The following TNS3 variants were observed in gnomAD, a reference collection of about 807,000 sequenced individuals.
TNS3 encodes tensin-3.
A neutral mutation model predicts 140.9 loss-of-function variants in TNS3; 45 were observed. That is an observed-to-expected ratio of 0.32 (90% CI 0.25 to 0.41). The LOEUF is 0.41. Ranked by LOEUF, TNS3 falls within the 10% of genes least tolerant of loss-of-function variation. The pLI is 1.00. For synonymous variants in TNS3, 815 were observed against 788.4 expected (o/e 1.03, Z -0.56); for missense variants, 1,716 against 1,906.7 (o/e 0.90, Z 1.86).
chr7:47,378,334 G>A (rs769177780), intron 16 of TNS3, among the ~76,000 whole-genome samples: 1 of 152,170 alleles, frequency 6.6e-6, no homozygotes, highest in Non-Finnish European at 1.5e-5. Flanking sequence ...CCCGTCTCGA[G>A]AATTACACTG....
intron 4 of TNS3, among the ~76,000 whole-genome samples, chr7:47,476,240 C>T (rs1398276627): frequency 6.6e-6 from 1 of 152,230 alleles, no homozygotes; most frequent in Non-Finnish European, 1.5e-5. Flanking sequence ...GAAAGAACTC[C>T]ATTCAGGGCC....
Position 47,384,721 on chromosome 7 carries a change from A to G in TNS3, c.1024+12079T>C, listed in dbSNP as rs376787079. Among the ~76,000 whole-genome samples, 75 of 152,160 alleles carry G rather than the reference A, an allele frequency of 4.9e-4. 1 individual carries two copies. In the East Asian group the frequency reaches 0.014, roughly 28 times the overall value. On this transcript the variant is annotated intron_variant, in intron 16 of 30. Transcript: ENST00000311160. ...TCTGCATGTATCCAGCCCTTCCCTC[A>G]GCACAGTGGAGTCACAGCCAATGTA...
In TNS3 at chr7:47,276,782, G is replaced by A. The variant is rs1784886430; in HGVS notation, c.*1294C>T. 1 of 152,266 alleles carries A rather than the reference G, an allele frequency of 6.6e-6. No individual in the cohort carries two copies. Among genetic ancestry groups the A allele is most frequent in the Non-Finnish European group, 1.5e-5 (1 of 68,086 alleles). 9.4% of individuals were successfully genotyped at this position (152,266 alleles called of 1,614,324 possible). A position where few individuals can be genotyped will look rare whatever the true frequency, so the allele number is the denominator to read the frequency against. On this transcript the variant is annotated 3_prime_UTR_variant, in exon 31 of 31. Transcript: ENST00000311160. The stretch of plus-strand genomic sequence containing the variant: ...AAACAGTGGCACTCAAAAACAGCTT[G>A]TCAGTACCGGGGTTTCTTCTCTTTT...
rs754146306 is a variant in TNS3, at chr7:47,303,229, C to G, written c.3178G>C (p.Ala1060Pro). The G allele has an allele frequency of 1.2e-6, 2 of 1,613,656 alleles. No individual in the cohort carries two copies. The highest frequency in any genetic ancestry group is 1.1e-5 in the South Asian group (1 of 91,092). The change falls in exon 22 of 31, where the codon GCT becomes CCT. Residue 1060 changes from alanine (A) to proline (P), a missense_variant. Transcript: ENST00000311160. Reference protein sequence around the residue: ...TPSIPLTATGAADNGFLSHNF... With the variant: ...TPSIPLTATGPADNGFLSHNF... ...TGGGACAGGAAGCCATTGTCGGCAG[C>G]CCCTGTCGCTGTCAGCGGGATGCTG...
chr7:47,377,095 T>G (rs796565585), intron 16 of TNS3, among the ~76,000 whole-genome samples: 4 of 152,248 alleles, frequency 2.6e-5, no homozygotes, highest in African/African-American at 9.6e-5. Context: ...CCAGGAACCA[T>G]CCTGTCCCTA....
At chr7:47,580,217 C>T (rs6463424) in intron 1 of TNS3, among the ~76,000 whole-genome samples, 79,436 of 151,938 alleles carry the variant, frequency 0.52, 21,460 homozygotes, top group East Asian at 0.65. Context: ...CCCTAGAGTC[C>T]TGTCCCAGAA....
At chr7:47,570,702 A>T (rs1800531896) in intron 1 of TNS3, among the ~76,000 whole-genome samples, 1 of 152,164 alleles carries the variant, frequency 6.6e-6, no homozygotes, top group Non-Finnish European at 1.5e-5. Context: ...TGAGCACCGG[A>T]TTGGGAGGCC....
At chr7:47,454,606 C>T (rs1270319228) in intron 4 of TNS3, among the ~76,000 whole-genome samples, 1 of 145,334 alleles carries the variant, frequency 6.9e-6, no homozygotes, top group East Asian at 2.0e-4. Flanking sequence ...GGAGGGGCTG[C>T]TCTGGGGGGG....
At chr7:47,443,662 C>T (rs184910972) in intron 4 of TNS3, among the ~76,000 whole-genome samples, 24 of 152,304 alleles carry the variant, frequency 1.6e-4, no homozygotes, top group Non-Finnish European at 2.6e-4. Flanking sequence ...TGGCTCACAC[C>T]TGTAATCCCA....
At chr7:47,502,395 G>C (rs947533216) in intron 3 of TNS3, among the ~76,000 whole-genome samples, 4 of 152,212 alleles carry the variant, frequency 2.6e-5, no homozygotes, top group Non-Finnish European at 5.9e-5. Context: ...TTGACGCCCA[G>C]GATGAATGTC....
chr7:47,508,157 G>C (rs1798486250), intron 2 of TNS3, among the ~76,000 whole-genome samples: 1 of 152,142 alleles, frequency 6.6e-6, no homozygotes, highest in Non-Finnish European at 1.5e-5. Flanking sequence ...TCTATGATGT[G>C]TCAAAGTCAA....
Position 47,530,838 on chromosome 7 carries a change from A to AATATAT in TNS3, c.-264-1697_-264-1692dup, listed in dbSNP as rs1554350245. ...AACTCCATCTCAAAAAAAAAAAAAAAATATATATATATATATATATTTCTA... is the reference window on the plus strand; with the variant it reads ...AACTCCATCTCAAAAAAAAAAAAAAAATATATATATATATATATATATATATTTCTA... On this transcript the variant is annotated intron_variant, in intron 1 of 30. Transcript: ENST00000311160. 3.1e-3 allele frequency among the ~76,000 whole-genome samples: 170 copies of AATATAT among 54,538 alleles called. 10 individuals carry two copies. Among genetic ancestry groups the AATATAT allele is most frequent in the African/African-American group, 0.013 (160 of 12,650 alleles). 35.8% of individuals were successfully genotyped at this position (54,538 alleles called of 152,430 possible).
intron 1 of TNS3, among the ~76,000 whole-genome samples, chr7:47,561,896 C>T (rs889404484): frequency 1.3e-5 from 2 of 152,186 alleles, no homozygotes; most frequent in African/African-American, 4.8e-5. Context: ...CTGTGAAGAC[C>T]TGCTGAGCAC....
intron 20 of TNS3, among the ~76,000 whole-genome samples, chr7:47,315,658 T>C (rs1343755488): frequency 6.6e-6 from 1 of 152,186 alleles, no homozygotes; most frequent in Non-Finnish European, 1.5e-5. Flanking sequence ...TCGGAAGCCT[T>C]AGAGCCTGGC....
At chr7:47,387,282 G>C (rs77787385) in intron 16 of TNS3, among the ~76,000 whole-genome samples, 1 of 152,208 alleles carries the variant, frequency 6.6e-6, no homozygotes, top group African/African-American at 2.4e-5. Context: ...AGGAGTGGAT[G>C]GAGAGAGACT....
At chr7:47,400,955 G>GGGGACACACGTTCCCGGCAA (rs1167297752) in intron 13 of TNS3, 41 bp from the exon 14 acceptor site, 2 of 1,611,108 alleles carry the variant, frequency 1.2e-6, no homozygotes, top group Middle Eastern at 1.7e-4. Flanking sequence ...AGCTGCAGCG[G>GGGGACACACGTTCCCGGCAA]GGGACACACG....
Position 47,401,044 on chromosome 7 carries a change from T to C in TNS3, c.724-130A>G, listed in dbSNP as rs1343080389. On this transcript the variant is annotated intron_variant, in intron 13 of 30. Transcript: ENST00000311160. ...GGACTCTGGCTGGGAGTTCACGCTTTGGAGTGGAACTTCAGCCCTGGGGCA... is the reference window on the plus strand; with the variant it reads ...GGACTCTGGCTGGGAGTTCACGCTTCGGAGTGGAACTTCAGCCCTGGGGCA... 5.9e-6 allele frequency: 8 copies of C among 1,366,298 alleles called. No individual in the cohort carries two copies. The African/African-American group carries it at 1.2e-4, about 20-fold the overall frequency. The allele number at this position is 1,366,298 out of a possible 1,614,324, so 84.6% of individuals were successfully genotyped here.
chr7:47,490,267 T>C (rs576302806), intron 3 of TNS3, among the ~76,000 whole-genome samples: 3 of 152,244 alleles, frequency 2.0e-5, no homozygotes, highest in Non-Finnish European at 2.9e-5. Context: ...CGGCCACCTA[T>C]AATTAATAAT....
intron 17 of TNS3, among the ~76,000 whole-genome samples, chr7:47,346,633 G>C (rs1789361680): frequency 6.6e-6 from 1 of 152,190 alleles, no homozygotes; most frequent in Non-Finnish European, 1.5e-5. Context: ...ATAGGACCAA[G>C]CACCCAGACT....
Sources: allele counts gnomAD v4.1 joint callset (sites outside exome capture counted in the v4.1 genomes callset), GRCh38; gene constraint gnomAD v4.1.1; transcripts MANE v1.5; gene names NCBI Gene and HGNC (gene_info 2026-07-23, HGNC 2026-07-21).